The following GGACT variants were observed in gnomAD, a reference collection of about 807,000 sequenced individuals.
GGACT encodes gamma-glutamylaminecyclotransferase.
For synonymous variants in GGACT, 118 were observed against 115.3 expected (o/e 1.02, Z -0.15); for missense variants, 241 against 233.2 (o/e 1.03, Z -0.22).
chr13:100,556,883 CTTT>C lies in GGACT; in HGVS notation c.-10-24285_-10-24283del, dbSNP rs1002011773. Among the ~76,000 whole-genome samples the C allele has an allele frequency of 5.5e-4, 84 of 151,936 alleles. No individual in the cohort carries two copies. In the East Asian group the frequency reaches 0.015, roughly 28 times the overall value. On this transcript the variant is annotated intron_variant, in intron 2 of 2. Coordinates refer to ENST00000683975, the MANE Select transcript of GGACT (RefSeq NM_001195087.2). Reference sequence around the variant, plus strand: ...ACTGAAAAAGCTGAACAAAGTTTCTCTTTTTTTTGAGGTGGAGTCTTGCTCTGT... The same window carrying C: ...ACTGAAAAAGCTGAACAAAGTTTCTCTTTTTGAGGTGGAGTCTTGCTCTGT...
At chr13:100,575,558 A>G (rs971292734) in intron 2 of GGACT, among the ~76,000 whole-genome samples, 5 of 152,178 alleles carry the variant, frequency 3.3e-5, no homozygotes, top group Non-Finnish European at 7.3e-5. Flanking sequence ...TAAAAAAACT[A>G]TGATGGGATC....
chr13:100,532,203 TG>T lies in GGACT; in HGVS notation c.388del (p.Gln130SerfsTer72). 5 of 1,479,378 alleles carry T rather than the reference TG, an allele frequency of 3.4e-6. No homozygotes were observed. Among genetic ancestry groups the T allele is most frequent in the Non-Finnish European group, 4.5e-6 (5 of 1,107,720 alleles). The allele number at this position is 1,479,378 out of a possible 1,614,324, so 91.6% of individuals were successfully genotyped here. On this transcript the variant is annotated frameshift_variant, in exon 3 of 3. Transcript: ENST00000683975. LOFTEE classifies it high-confidence loss of function. ...GTCGTAGCTGTCATGGTGCGGGAGCTGGGCCCACTCCGGCGGGAAGGTGGCC... is the reference window on the plus strand; with the variant it reads ...GTCGTAGCTGTCATGGTGCGGGAGCTGGCCCACTCCGGCGGGAAGGTGGCC... The part of the protein sequence containing the change: ...SRATFPPEWA[Q>X]LPHHDSYDSE...
chr13:100,535,924 C>G (rs1239340503), intron 2 of GGACT: 1 of 152,090 alleles, frequency 6.6e-6, no homozygotes, highest in Non-Finnish European at 1.5e-5. Context: ...CAGCTCTAGT[C>G]TGGGCTCTCT....
intron 2 of GGACT, among the ~76,000 whole-genome samples, chr13:100,583,548 G>A (rs1875478918): frequency 6.6e-6 from 1 of 151,818 alleles, no homozygotes; most frequent in African/African-American, 2.4e-5. Context: ...TTGAGACAGG[G>A]TCTCACTCTG....
intron 2 of GGACT, among the ~76,000 whole-genome samples, chr13:100,541,503 C>T (rs837306): frequency 0.012 from 1,765 of 152,312 alleles, 33 homozygotes; most frequent in African/African-American, 0.041. Context: ...TTCCTTATCC[C>T]TGCTCCCTCC....
intron 2 of GGACT, 73 bp downstream of exon 2, chr13:100,583,752 T>C (rs1328462791): frequency 1.3e-5 from 2 of 152,224 alleles, no homozygotes; most frequent in Non-Finnish European, 2.9e-5. Context: ...TGGCACTATT[T>C]GTCAGCATAC....
At chr13:100,564,788 C>G (rs1032236755) in intron 2 of GGACT, among the ~76,000 whole-genome samples, 1 of 152,154 alleles carries the variant, frequency 6.6e-6, no homozygotes, top group African/African-American at 2.4e-5. Flanking sequence ...CAGCATCATG[C>G]AGTACCCAGC....
intron 1 of GGACT, among the ~76,000 whole-genome samples, chr13:100,585,779 GA>G (rs71121120): frequency 0.035 from 1,749 of 50,076 alleles, 43 homozygotes; most frequent in East Asian, 0.25. Flanking sequence ...TCTCAGGAAG[GA>G]AAAAAAAAAA....
chr13:100,562,870 A>C (rs1374728039), intron 2 of GGACT, among the ~76,000 whole-genome samples: 1 of 152,024 alleles, frequency 6.6e-6, no homozygotes, highest in Non-Finnish European at 1.5e-5. Context: ...TCTTGACTCC[A>C]GAGTTCAAAC....
intron 2 of GGACT, among the ~76,000 whole-genome samples, chr13:100,555,563 G>A (rs1033353335): frequency 3.9e-5 from 6 of 151,976 alleles, no homozygotes; most frequent in Non-Finnish European, 8.8e-5. Flanking sequence ...ATCTGGGTAT[G>A]GTGGCTCACA....
chr13:100,538,602 C>T (rs1037250377), intron 2 of GGACT: 13 of 152,212 alleles, frequency 8.5e-5, no homozygotes, highest in Admixed American at 7.9e-4. Flanking sequence ...AGCAAAACCA[C>T]AGATAAGGAG....
At chr13:100,578,049 ATGTTTTCT>A (rs1875305188) in intron 2 of GGACT, among the ~76,000 whole-genome samples, 1 of 152,210 alleles carries the variant, frequency 6.6e-6, no homozygotes, top group African/African-American at 2.4e-5. Flanking sequence ...AGGGAAATGG[ATGTTTTCT>A]AAGAGAGCCC....
At chr13:100,538,336 C>T (rs1423899970) in intron 2 of GGACT, 1 of 152,222 alleles carries the variant, frequency 6.6e-6, no homozygotes, top group Non-Finnish European at 1.5e-5. Flanking sequence ...AAGCACCCTA[C>T]ACTTCCCTAT....
chr13:100,540,392 A>G (rs1012492212), intron 2 of GGACT: 11 of 625,478 alleles, frequency 1.8e-5, no homozygotes, highest in Admixed American at 8.5e-5. Context: ...CATCTAGGTT[A>G]GACAATTTGT....
chr13:100,561,722 C>T (rs892002130), intron 2 of GGACT, among the ~76,000 whole-genome samples: 1 of 152,192 alleles, frequency 6.6e-6, no homozygotes, highest in African/African-American at 2.4e-5. Context: ...CCCTTCACAC[C>T]TCCAACCCAG....
chr13:100,547,125 C>T (rs533688801), intron 2 of GGACT, among the ~76,000 whole-genome samples: 1 of 152,298 alleles, frequency 6.6e-6, no homozygotes, highest in Admixed American at 6.5e-5. Flanking sequence ...GATTCAGTGC[C>T]GGCTCTGCCA....
At chr13:100,568,287 G>C (rs939708214) in intron 2 of GGACT, among the ~76,000 whole-genome samples, 1 of 152,228 alleles carries the variant, frequency 6.6e-6, no homozygotes, top group South Asian at 2.1e-4. Context: ...CCAAGACTGG[G>C]TAATTTATAA....
chr13:100,549,794 C>T (rs959163055), intron 2 of GGACT, among the ~76,000 whole-genome samples: 42 of 152,200 alleles, frequency 2.8e-4, no homozygotes, highest in Middle Eastern at 3.2e-3. Flanking sequence ...CCATTGCTTA[C>T]GTCAGTGCAC....
At chr13:100,572,235 A>T (rs1051990349) in intron 2 of GGACT, among the ~76,000 whole-genome samples, 3 of 152,222 alleles carry the variant, frequency 2.0e-5, no homozygotes, top group Non-Finnish European at 4.4e-5. Context: ...GGAAATTCTG[A>T]CCCATCCTAC....
Sources: gnomAD v4.1 joint callset for allele counts (sites outside exome capture counted in the v4.1 genomes callset) on GRCh38, gnomAD v4.1.1 for gene constraint, MANE v1.5 for transcripts, NCBI Gene and HGNC (gene_info 2026-07-23, HGNC 2026-07-21) for gene names.